NTRK3: variants seen among roughly 807,000 people sequenced by gnomAD.
NTRK3 encodes the protein neurotrophic receptor tyrosine kinase 3, also known as NT-3 growth factor receptor.
Under a neutral mutation model 91.7 loss-of-function variants are expected in NTRK3, and 24 were observed. The observed-to-expected ratio is 0.26, with a 90% CI of 0.19 to 0.37. The LOEUF is 0.37. NTRK3 is among the 10% of genes least tolerant of loss of function. The pLI is 1.00. For missense variants in NTRK3, 880 were observed against 1,068.9 expected (o/e 0.82, Z 2.46); for synonymous variants, 483 against 404.0 (o/e 1.20, Z -2.34).
intron 14 of NTRK3, among the ~76,000 whole-genome samples, chr15:88,026,941 T>C (rs1044888485): frequency 2.0e-5 from 3 of 152,020 alleles, no homozygotes; most frequent in Non-Finnish European, 4.4e-5. Flanking sequence ...CAGACCCAGG[T>C]TGGCCCAGCC....
At chr15:88,177,199 A>T (rs1465644112) in intron 5 of NTRK3, among the ~76,000 whole-genome samples, 2 of 152,210 alleles carry the variant, frequency 1.3e-5, no homozygotes, top group African/African-American at 4.8e-5. Context: ...GTGGCCATGG[A>T]AAGGGGCTTA....
intron 13 of NTRK3, among the ~76,000 whole-genome samples, chr15:88,125,254 C>T (rs1368244490): frequency 6.6e-6 from 1 of 152,330 alleles, no homozygotes; most frequent in South Asian, 2.1e-4. Context: ...GCAAACACTC[C>T]AACATTTGCA....
At chr15:88,041,822 CAT>C (rs2079647911) in intron 13 of NTRK3, among the ~76,000 whole-genome samples, 4 of 58,560 alleles carry the variant, frequency 6.8e-5, no homozygotes, top group African/African-American at 2.2e-4. Flanking sequence ...AGAAGTCCCT[CAT>C]AAAAAAAAAA....
At chr15:88,131,959 T>A (rs1218687347) in intron 10 of NTRK3, 1 of 202,876 alleles carries the variant, frequency 4.9e-6, no homozygotes, top group Non-Finnish European at 1.0e-5. Context: ...GGACATGAAC[T>A]GGGGCTGTGC....
chr15:87,943,065 A>T (rs2070060352), intron 14 of NTRK3, among the ~76,000 whole-genome samples: 1 of 151,740 alleles, frequency 6.6e-6, no homozygotes. Flanking sequence ...CGTCAAAATC[A>T]CCTAGACGGC....
At chr15:88,005,494 C>T (rs570806255) in intron 14 of NTRK3, among the ~76,000 whole-genome samples, 1 of 152,282 alleles carries the variant, frequency 6.6e-6, no homozygotes, top group South Asian at 2.1e-4. Flanking sequence ...TGCATGGATT[C>T]CTTTACAAAG....
At chr15:87,976,865 T>A (rs771141011) in intron 14 of NTRK3, among the ~76,000 whole-genome samples, 1 of 152,066 alleles carries the variant, frequency 6.6e-6, no homozygotes, top group Non-Finnish European at 1.5e-5. Context: ...ACAAAACCAC[T>A]CCATCCTAGG....
rs529824790 is a variant in NTRK3, at chr15:88,089,692, C to T, written c.1396+36579G>A. Among the ~76,000 whole-genome samples the T allele has an allele frequency of 2.6e-5, 4 of 152,314 alleles. No individual in the cohort carries two copies. In the East Asian group the frequency reaches 5.8e-4, roughly 22 times the overall value. On this transcript the variant is annotated intron_variant, in intron 13 of 18. Transcript: ENST00000394480. ...CTCCTGACCCTCCTTCCAGCCTTGA[C>T]TCTGTACTCTTGAGCAGGGCACAAC...
At chr15:88,044,560 C>A (rs1468328683) in intron 13 of NTRK3, among the ~76,000 whole-genome samples, 1 of 147,400 alleles carries the variant, frequency 6.8e-6, no homozygotes, top group Non-Finnish European at 1.5e-5. Context: ...CACGCCTGGC[C>A]CACCACACCC....
chr15:88,112,200 T>C (rs865908617), intron 13 of NTRK3, among the ~76,000 whole-genome samples: 1 of 152,300 alleles, frequency 6.6e-6, no homozygotes, highest in South Asian at 2.1e-4. Flanking sequence ...GCCACCATGC[T>C]CAGCCTCTGG....
In NTRK3 at chr15:87,887,691, G is replaced by A. The variant is rs577755848; in HGVS notation, c.2134-7263C>T. On this transcript the variant is annotated intron_variant, in intron 17 of 18. Transcript: ENST00000394480. Reference sequence around the variant, plus strand: ...AAAGGTAGTGGTCAAAGCCTTCCCCGGTAAAAAATTATTGACAAATACGTC... The same window carrying A: ...AAAGGTAGTGGTCAAAGCCTTCCCCAGTAAAAAATTATTGACAAATACGTC... Among the ~76,000 whole-genome samples, 6 of 152,184 alleles carry A rather than the reference G, an allele frequency of 3.9e-5. No individual in the cohort carries two copies. In the South Asian group the frequency reaches 6.2e-4, roughly 16 times the overall value.
chr15:87,909,507 G>A (rs2066962474), intron 17 of NTRK3, among the ~76,000 whole-genome samples: 1 of 152,176 alleles, frequency 6.6e-6, no homozygotes, highest in South Asian at 2.1e-4. Flanking sequence ...ATCCAGTGAA[G>A]ACAATGAAAT....
chr15:87,998,800 T>C (rs1301422023), intron 14 of NTRK3, among the ~76,000 whole-genome samples: 1 of 152,146 alleles, frequency 6.6e-6, no homozygotes, highest in East Asian at 1.9e-4. Context: ...AGAGTCAAGA[T>C]AAAAATGTCA....
At chr15:88,205,349 C>T (rs2048651761) in intron 3 of NTRK3, among the ~76,000 whole-genome samples, 1 of 152,116 alleles carries the variant, frequency 6.6e-6, no homozygotes, top group Non-Finnish European at 1.5e-5. Flanking sequence ...ACGTGGGCCT[C>T]GGCTCTCAGA....
intron 13 of NTRK3, among the ~76,000 whole-genome samples, chr15:88,056,010 G>A (rs2045641039): frequency 6.6e-6 from 1 of 151,882 alleles, no homozygotes; most frequent in Non-Finnish European, 1.5e-5. Context: ...ACTGCATGTA[G>A]GTTAAGGCAT....
intron 3 of NTRK3, among the ~76,000 whole-genome samples, chr15:88,198,573 T>C (rs1351772945): frequency 1.3e-5 from 2 of 152,238 alleles, no homozygotes; most frequent in Non-Finnish European, 2.9e-5. Flanking sequence ...TGTAATCCTG[T>C]CACCTGTGTG....
chr15:88,197,121 A>AAAAAAAAC (rs1567627758), intron 3 of NTRK3, among the ~76,000 whole-genome samples: 1 of 144,750 alleles, frequency 6.9e-6, no homozygotes, highest in African/African-American at 2.7e-5. Context: ...AAAAAAAAAA[A>AAAAAAAAC]AAAAAACCTC....
rs554236671 is a variant in NTRK3 at position 88,235,697 on chromosome 15, G to A, written c.248+20209C>T. Among the ~76,000 whole-genome samples the A allele has an allele frequency of 2.0e-5, 3 of 152,324 alleles. No individual in the cohort carries two copies. In the East Asian group the frequency reaches 5.8e-4, roughly 29 times the overall value. On this transcript the variant is annotated intron_variant, in intron 3 of 18. Coordinates refer to ENST00000394480, the Ensembl canonical transcript of NTRK3. The surrounding 1 kb of genome is among the most constrained non-coding windows in gnomAD (Gnocchi z 5.2). The stretch of plus-strand genomic sequence containing the variant: ...AGGGAGCTCTGAGAGGACCCTAGGG[G>A]GATGTCCTTGGGCTGAGGACCCCAG...
chr15:88,147,449 C>A (rs2042986696), intron 5 of NTRK3, 46 bp from the exon 6 acceptor site: 1 of 1,494,744 alleles, frequency 6.7e-7, no homozygotes, highest in Non-Finnish European at 9.3e-7. Context: ...AAGTCTGGCA[C>A]AAATAATGCT....
Sources: gnomAD v4.1 joint callset for allele counts (sites outside exome capture counted in the v4.1 genomes callset) on GRCh38, gnomAD v4.1.1 for gene constraint, Gnocchi (gnomAD v3.1) non-coding constraint, MANE v1.5 for transcripts, NCBI Gene and HGNC (gene_info 2026-07-23, HGNC 2026-07-21) for gene names.